Variants in CLPB observed in about 807,000 individuals in gnomAD.
CLPB encodes ClpB family mitochondrial disaggregase.
In CLPB, 40 loss-of-function variants were observed where a neutral mutation model predicts 78.4. The ratio of observed to expected loss-of-function variants is 0.51; its 90% confidence interval spans 0.40 to 0.66. The LOEUF is 0.66. Ranked by LOEUF, CLPB falls within the 30% of genes least tolerant of loss-of-function variation. The pLI, the probability that CLPB is intolerant of heterozygous loss-of-function variation, is 0.00. For synonymous variants in CLPB, 333 were observed against 348.0 expected (o/e 0.96, Z 0.48); for missense variants, 780 against 886.9 (o/e 0.88, Z 1.53).
chr11:72,413,338 T>G (rs930237048), intron 2 of CLPB, among the ~76,000 whole-genome samples: 2 of 151,850 alleles, frequency 1.3e-5, no homozygotes, highest in East Asian at 1.9e-4. Context: ...TAGCCTTCAC[T>G]CATATCCTGT....
chr11:72,405,298 G>A (rs1056577290), intron 2 of CLPB, among the ~76,000 whole-genome samples: 5 of 152,232 alleles, frequency 3.3e-5, no homozygotes, highest in Non-Finnish European at 5.9e-5. Flanking sequence ...CAGCTGCTGA[G>A]GCATGCACAG....
chr11:72,430,660 T>C (rs188969036), intron 1 of CLPB, among the ~76,000 whole-genome samples: 1 of 152,202 alleles, frequency 6.6e-6, no homozygotes, highest in Non-Finnish European at 1.5e-5. Flanking sequence ...TAATGTGCTC[T>C]TCATAATCTA....
chr11:72,373,210 T>C (rs1019568516), intron 4 of CLPB, among the ~76,000 whole-genome samples: 1 of 152,228 alleles, frequency 6.6e-6, no homozygotes, highest in Non-Finnish European at 1.5e-5. Context: ...GGCTGATTTA[T>C]AGCCTGCTCT....
At chr11:72,295,696 G>A in intron 11 of CLPB, 48 bp from the exon 12 acceptor site, 2 of 1,594,966 alleles carry the variant, frequency 1.3e-6, no homozygotes, top group South Asian at 2.2e-5. Context: ...TATGTGCCTG[G>A]GCAGGCCTTA....
intron 4 of CLPB, among the ~76,000 whole-genome samples, chr11:72,373,232 T>A (rs982103367): frequency 6.6e-6 from 1 of 152,240 alleles, no homozygotes; most frequent in African/African-American, 2.4e-5. Flanking sequence ...GCTGCGTCTC[T>A]GCCGTGTTTT....
chr11:72,349,720 T>C (rs1185810339), intron 5 of CLPB, among the ~76,000 whole-genome samples: 1 of 152,216 alleles, frequency 6.6e-6, no homozygotes, highest in Non-Finnish European at 1.5e-5. Flanking sequence ...GTCCTTTATC[T>C]GTGCATTCTG....
chr11:72,424,311 A>T (rs1410761753), intron 2 of CLPB, among the ~76,000 whole-genome samples: 1 of 152,218 alleles, frequency 6.6e-6, no homozygotes, highest in Non-Finnish European at 1.5e-5. Context: ...AATTGTTTAA[A>T]GCCATTTTTT....
At chr11:72,334,657 C>T (rs942830373) in intron 5 of CLPB, among the ~76,000 whole-genome samples, 28 of 152,252 alleles carry the variant, frequency 1.8e-4, no homozygotes, top group Admixed American at 1.6e-3. Flanking sequence ...CTGGCCTGAC[C>T]TCCCCTTGCC....
chr11:72,302,633 C>CACCA, intron 9 of CLPB: 1 of 392,950 alleles, frequency 2.5e-6, no homozygotes, highest in East Asian at 5.2e-5. Context: ...CTGTTCTGAT[C>CACCA]ACCACATCAT....
intron 4 of CLPB, among the ~76,000 whole-genome samples, chr11:72,365,661 C>T (rs185546582): frequency 1.1e-3 from 164 of 151,530 alleles, no homozygotes; most frequent in African/African-American, 3.8e-3. Context: ...TCAAACTATA[C>T]TACAAGGCTA....
intron 10 of CLPB, 102 bp from the exon 11 acceptor site, chr11:72,302,066 C>T (rs1949666143): frequency 2.2e-6 from 3 of 1,339,572 alleles, no homozygotes; most frequent in Non-Finnish European, 3.1e-6. Flanking sequence ...TTAAGGTTGC[C>T]TCTCTCAACA....
At chr11:72,420,526 CAGTG>C (rs1388417447) in intron 2 of CLPB, among the ~76,000 whole-genome samples, 3 of 152,010 alleles carry the variant, frequency 2.0e-5, no homozygotes, top group Non-Finnish European at 4.4e-5. Flanking sequence ...CAATAATATT[CAGTG>C]AGTATTTGGT....
intron 4 of CLPB, among the ~76,000 whole-genome samples, chr11:72,373,821 C>T (rs936585042): frequency 1.3e-5 from 2 of 151,730 alleles, no homozygotes; most frequent in East Asian, 3.9e-4. Context: ...ATTAGCCGGG[C>T]GTGGTGGTGG....
At chr11:72,306,075 C>A (rs1426283588) in intron 9 of CLPB, among the ~76,000 whole-genome samples, 1 of 152,178 alleles carries the variant, frequency 6.6e-6, no homozygotes, top group African/African-American at 2.4e-5. Flanking sequence ...CTATCTCGGT[C>A]GGAGCGCATT....
intron 11 of CLPB, among the ~76,000 whole-genome samples, chr11:72,298,776 G>T (rs963540452): frequency 7.9e-5 from 12 of 152,180 alleles, no homozygotes; most frequent in African/African-American, 2.9e-4. Context: ...GGGATTACAG[G>T]TGTGACCCAT....
intron 5 of CLPB, among the ~76,000 whole-genome samples, chr11:72,343,463 C>T (rs762956766): frequency 2.8e-4 from 42 of 152,172 alleles, no homozygotes; most frequent in Non-Finnish European, 4.9e-4. Context: ...AGGAATTACT[C>T]ATCTCCCTCA....
At chr11:72,368,200 A>G (rs144216048) in intron 4 of CLPB, among the ~76,000 whole-genome samples, 2 of 152,324 alleles carry the variant, frequency 1.3e-5, no homozygotes, top group African/African-American at 4.8e-5. Context: ...TAACATCCCA[A>G]GACTAAGAGT....
chr11:72,381,021 C>T (rs943591100), intron 3 of CLPB, among the ~76,000 whole-genome samples: 10 of 152,184 alleles, frequency 6.6e-5, no homozygotes, highest in Non-Finnish European at 1.0e-4. Context: ...AGCACTTGCT[C>T]CCCAGCAGAA....
intron 4 of CLPB, among the ~76,000 whole-genome samples, chr11:72,372,343 T>C (rs1034832120): frequency 4.6e-5 from 7 of 152,240 alleles, no homozygotes; most frequent in Non-Finnish European, 1.0e-4. Context: ...AAATGTACTA[T>C]GCTGCCTCCC....
Sources: gnomAD v4.1 joint callset for allele counts (sites outside exome capture counted in the v4.1 genomes callset) on GRCh38, gnomAD v4.1.1 for gene constraint, MANE v1.5 for transcripts, NCBI Gene and HGNC (gene_info 2026-07-23, HGNC 2026-07-21) for gene names.